PRIM2: variants seen among roughly 807,000 people sequenced by gnomAD.
PRIM2 encodes the protein DNA primase large subunit.
A neutral mutation model predicts 67.3 loss-of-function variants in PRIM2; 39 were observed. That is an observed-to-expected ratio of 0.58 (90% CI 0.45 to 0.76). The LOEUF is 0.76. PRIM2 is among the 30% of genes least tolerant of loss of function. PRIM2 has a pLI of 0.00. For missense variants in PRIM2, 398 were observed against 598.7 expected (o/e 0.66, Z 3.50); for synonymous variants, 143 against 198.7 (o/e 0.72, Z 2.36).
chr6:57,412,016 A>G (rs1771103836), intron 7 of PRIM2, among the ~76,000 whole-genome samples: 1 of 150,966 alleles, frequency 6.6e-6, no homozygotes, highest in Non-Finnish European at 1.5e-5. Context: ...TATAATTAAA[A>G]TATTTTTAAT....
At chr6:57,478,253 T>G (rs1227902763) in intron 7 of PRIM2, among the ~76,000 whole-genome samples, 1 of 152,184 alleles carries the variant, frequency 6.6e-6, no homozygotes, top group Non-Finnish European at 1.5e-5. Flanking sequence ...TTGTAACAAG[T>G]TGAACAAGTA....
chr6:57,282,268 C>T, the PRIM2 span, among the ~76,000 whole-genome samples: 7 of 152,164 alleles, frequency 4.6e-5, no homozygotes, highest in Non-Finnish European at 1.0e-4. Flanking sequence ...CTGATCATAG[C>T]ACCTTACTAT....
the PRIM2 span, among the ~76,000 whole-genome samples, chr6:57,289,955 A>C: frequency 2.6e-5 from 4 of 152,152 alleles, no homozygotes; most frequent in Non-Finnish European, 5.9e-5. Context: ...ACACATAACA[A>C]TATTAACCTT....
intron 10 of PRIM2, among the ~76,000 whole-genome samples, chr6:57,551,481 A>T (rs1775401816): frequency 6.6e-6 from 1 of 152,202 alleles, no homozygotes; most frequent in Non-Finnish European, 1.5e-5. Flanking sequence ...TAAGAAGTAG[A>T]TTGCTTTTCG....
rs368412984 is a variant in PRIM2, at chr6:57,391,541, A to G, written c.693+9373A>G. 2.6e-3 allele frequency among the ~76,000 whole-genome samples: 399 copies of G among 152,268 alleles called. 2 individuals carry two copies. Among genetic ancestry groups the G allele is most frequent in the Middle Eastern group, 0.014 (4 of 294 alleles). ...TAATCCATTTTGAGTTGATTTTTAT[A>G]TATGGTATAAGGAAAAGTCCAGCTT... On this transcript the variant is annotated intron_variant, in intron 7 of 13. Transcript: ENST00000615550.
intron 7 of PRIM2, among the ~76,000 whole-genome samples, chr6:57,398,941 T>G (rs2127353519): frequency 2.0e-5 from 3 of 152,216 alleles, no homozygotes; most frequent in Middle Eastern, 6.8e-3. Flanking sequence ...TTGTTTGAAT[T>G]CTGTTTTGTC....
intron 5 of PRIM2, among the ~76,000 whole-genome samples, chr6:57,336,253 G>C (rs1338771046): frequency 1.3e-5 from 2 of 152,104 alleles, no homozygotes; most frequent in Non-Finnish European, 1.5e-5. Context: ...TGAAAGTGAC[G>C]GGGAGAATGG....
chr6:57,340,336 C>T (rs1014237537), intron 5 of PRIM2, among the ~76,000 whole-genome samples: 14 of 152,238 alleles, frequency 9.2e-5, no homozygotes, highest in Non-Finnish European at 1.0e-4. Context: ...TACCATTTGA[C>T]CCAGCCATCC....
chr6:57,353,493 G>A (rs370656369), intron 5 of PRIM2, among the ~76,000 whole-genome samples: 5,252 of 152,224 alleles, frequency 0.035, 301 homozygotes, highest in African/African-American at 0.12. Context: ...TCTTATTCCT[G>A]TTTAAAATAA....
At chr6:57,250,497 G>A in the PRIM2 span, among the ~76,000 whole-genome samples, 1 of 152,134 alleles carries the variant, frequency 6.6e-6, no homozygotes, top group Non-Finnish European at 1.5e-5. Context: ...AATAAATACT[G>A]TGAAAGAAAA....
chr6:57,357,867 T>TA (rs1162540352), intron 5 of PRIM2, among the ~76,000 whole-genome samples: 4 of 152,130 alleles, frequency 2.6e-5, no homozygotes. Context: ...GTGCTGGGGT[T>TA]ACAGGCATGA....
chr6:57,287,029 A>G, the PRIM2 span, among the ~76,000 whole-genome samples: 1 of 152,246 alleles, frequency 6.6e-6, no homozygotes, highest in Admixed American at 6.5e-5. Context: ...ACTGGCCATT[A>G]GAGAAATGCA....
At chr6:57,252,665 T>A in the PRIM2 span, among the ~76,000 whole-genome samples, 1 of 152,234 alleles carries the variant, frequency 6.6e-6, no homozygotes, top group Non-Finnish European at 1.5e-5. Flanking sequence ...GATCTCGAAC[T>A]CCTGACCTCA....
At chr6:57,246,175 T>C in the PRIM2 span, among the ~76,000 whole-genome samples, 1 of 152,232 alleles carries the variant, frequency 6.6e-6, no homozygotes, top group Non-Finnish European at 1.5e-5. Context: ...AAATGTGTTA[T>C]AGAAACCTGT....
At chr6:57,306,757 C>T in the PRIM2 span, among the ~76,000 whole-genome samples, 1 of 152,208 alleles carries the variant, frequency 6.6e-6, no homozygotes, top group African/African-American at 2.4e-5. Context: ...CTTCTTTCTT[C>T]TCCCCAGAGT....
the PRIM2 span, among the ~76,000 whole-genome samples, chr6:57,284,213 AT>A: frequency 6.6e-6 from 1 of 152,178 alleles, no homozygotes; most frequent in African/African-American, 2.4e-5. Context: ...TCTAGCAGAG[AT>A]TGTAAAGTCT....
chr6:57,616,215 C>A (rs1776754052), intron 12 of PRIM2, among the ~76,000 whole-genome samples: 1 of 152,166 alleles, frequency 6.6e-6, no homozygotes, highest in African/African-American at 2.4e-5. Flanking sequence ...CCTGCTTATG[C>A]AAAGCATTGT....
the PRIM2 span, among the ~76,000 whole-genome samples, chr6:57,296,974 AAAT>A: frequency 6.6e-6 from 1 of 152,196 alleles, no homozygotes; most frequent in Non-Finnish European, 1.5e-5. Context: ...AATTTAAACA[AAAT>A]AATACATAAG....
chr6:57,557,983 T>C (rs1775549121), intron 10 of PRIM2, among the ~76,000 whole-genome samples: 1 of 152,200 alleles, frequency 6.6e-6, no homozygotes, highest in Non-Finnish European at 1.5e-5. Flanking sequence ...AAATAGACAT[T>C]AGTCTCCTGA....
Sources: gnomAD v4.1 joint callset for allele counts (sites outside exome capture counted in the v4.1 genomes callset) on GRCh38, gnomAD v4.1.1 for gene constraint, MANE v1.5 for transcripts, NCBI Gene and HGNC (gene_info 2026-07-23, HGNC 2026-07-21) for gene names.